The following TMEM184B variants were observed in gnomAD, a reference collection of about 807,000 sequenced individuals.
TMEM184B encodes the protein transmembrane protein 184B, also known as putative MAPK-activating protein FM08.
Under a neutral mutation model 41.8 loss-of-function variants are expected in TMEM184B, and 17 were observed. That is an observed-to-expected ratio of 0.41 (90% confidence interval 0.28 to 0.61). The LOEUF (loss-of-function observed/expected upper bound fraction) is 0.61. TMEM184B is among the 20% of genes least tolerant of loss of function. The pLI, the probability that TMEM184B is intolerant of heterozygous loss-of-function variation, is 0.34. For missense variants in TMEM184B, 393 were observed against 557.8 expected (o/e 0.70, Z 2.98); for synonymous variants, 240 against 229.5 (o/e 1.05, Z -0.41).
Position 38,224,792 on chromosome 22 carries a change from G to T in TMEM184B, c.975C>A (p.Asp325Glu), listed in dbSNP as rs796536438. The T allele has an allele frequency of 6.3e-7, 1 of 1,598,604 alleles. No homozygotes were observed. The highest frequency in any genetic ancestry group is 1.3e-5 in the African/African-American group (1 of 74,458). ...TAGGACCCTGGCTCATACCTTGTGC[G>T]TCCAGCCTCTTGTCAGCATAGACCT... ...TYKVYADKRL[D>E]AQGRCAPMKS... The change falls in exon 8 of 9, where the codon GAC becomes GAA. Residue 325 changes from aspartate to glutamate, a missense_variant. This residue lies in a region of TMEM184B where 271 missense variants were observed against 434.1 expected (regional missense o/e 0.62). Coordinates refer to ENST00000361906, the MANE Select transcript of TMEM184B (RefSeq NM_012264.5).
At chr22:38,235,941 C>G (rs1158611987) in intron 3 of TMEM184B, among the ~76,000 whole-genome samples, 1 of 152,230 alleles carries the variant, frequency 6.6e-6, no homozygotes, top group East Asian at 1.9e-4. Context: ...CCTGGAGAGG[C>G]CTCGGAGACA....
rs777863582 is a variant in TMEM184B, at chr22:38,256,977, G to GTTTTTTTTT, written c.-58-8967_-58-8959dup. 6.4e-3 allele frequency among the ~76,000 whole-genome samples: 791 copies of GTTTTTTTTT among 124,246 alleles called. 15 individuals are homozygous for GTTTTTTTTT. The highest frequency in any genetic ancestry group is 0.013 in the African/African-American group (430 of 32,076). The allele number at this position is 124,246 out of a possible 152,430, so 81.5% of individuals were successfully genotyped here. A position where few individuals can be genotyped will look rare whatever the true frequency, so the allele number is the denominator to read the frequency against. ...CAAAGCCTGGAAGTGGACATTAATAGTTTTTTTTTTTTTTTTTTTTTGAGA... is the reference window on the plus strand; with the variant it reads ...CAAAGCCTGGAAGTGGACATTAATAGTTTTTTTTTTTTTTTTTTTTTTTTTTTTTTGAGA... On this transcript the variant is annotated intron_variant, in intron 1 of 8. Coordinates refer to ENST00000361906, the MANE Select transcript of TMEM184B (RefSeq NM_012264.5).
At position 38,239,272 on chromosome 22, in the gene TMEM184B, G is replaced by C. The variant is rs907025228; in HGVS notation, c.358+6663C>G. The C allele has an allele frequency of 3.3e-5, 5 of 152,294 alleles. No individual in the cohort carries two copies. The allele number at this position is 152,294 out of a possible 1,614,324, so 9.4% of individuals were successfully genotyped here. A position where few individuals can be genotyped will look rare whatever the true frequency, so the allele number is the denominator to read the frequency against. On this transcript the variant is annotated intron_variant, in intron 3 of 8. Coordinates refer to ENST00000361906, the MANE Select transcript of TMEM184B (RefSeq NM_012264.5). This position sits in a 1 kb window ranked among gnomAD's most constrained non-coding sequence, Gnocchi z 4.6. ...GCACTAAGCCCTCTTCCAAGACTCAGCCCTCTCTTTGAGAACAGGAAGCAC... is the reference window on the plus strand; with the variant it reads ...GCACTAAGCCCTCTTCCAAGACTCACCCCTCTCTTTGAGAACAGGAAGCAC...
chr22:38,222,394 C>G (rs1409581323), intron 8 of TMEM184B: 1 of 161,628 alleles, frequency 6.2e-6, no homozygotes, highest in Non-Finnish European at 1.3e-5. Context: ...GTGAAATGCC[C>G]CGATATCCCA....
At chr22:38,266,104 T>C (rs2092440397) in intron 1 of TMEM184B, among the ~76,000 whole-genome samples, 1 of 152,184 alleles carries the variant, frequency 6.6e-6, no homozygotes, top group South Asian at 2.1e-4. Context: ...TCCGGAGGTC[T>C]CACTGCACCC....
chr22:38,242,336 G>C (rs1013500092), intron 3 of TMEM184B, among the ~76,000 whole-genome samples: 4 of 152,000 alleles, frequency 2.6e-5, no homozygotes, highest in African/African-American at 7.3e-5. Context: ...AAATTAGCCG[G>C]GCGTGAAGGC....
At chr22:38,233,848 C>A (rs2091700569) in intron 3 of TMEM184B, among the ~76,000 whole-genome samples, 1 of 152,180 alleles carries the variant, frequency 6.6e-6, no homozygotes, top group South Asian at 2.1e-4. Context: ...TGGCTCACTG[C>A]AACCTCCACC....
At position 38,226,650 on chromosome 22, in the gene TMEM184B, G is replaced by A; in HGVS notation, c.617+129C>T. ...CACTGCTGGGCTCAGACTTCAGGGG[G>A]GTTGTGAGCACCAGACACCCAGGAA... is the stretch of plus-strand genomic sequence containing the variant. On this transcript the variant is annotated intron_variant, in intron 6 of 8. Transcript: ENST00000361906. This position sits in a 1 kb window ranked among gnomAD's most constrained non-coding sequence, Gnocchi z 4.6. 1 of 892,358 alleles carries A rather than the reference G, an allele frequency of 1.1e-6. No homozygotes were observed. Among genetic ancestry groups the A allele is most frequent in the Non-Finnish European group, 1.7e-6 (1 of 578,820 alleles). The allele number at this position is 892,358 out of a possible 1,614,324, so 55.3% of individuals were successfully genotyped here. A position where few individuals can be genotyped will look rare whatever the true frequency, so the allele number is the denominator to read the frequency against.
At chr22:38,271,355 T>A (rs2092519533) in intron 1 of TMEM184B, among the ~76,000 whole-genome samples, 1 of 152,188 alleles carries the variant, frequency 6.6e-6, no homozygotes, top group Non-Finnish European at 1.5e-5. Flanking sequence ...GATGATTCCA[T>A]CCAGGCTTGC....
intron 1 of TMEM184B, among the ~76,000 whole-genome samples, chr22:38,272,000 C>A (rs1011313942): frequency 1.3e-5 from 2 of 152,252 alleles, no homozygotes; most frequent in South Asian, 4.1e-4. Context: ...ATTGCTGCTT[C>A]TTTCCTTACA....
chr22:38,240,997 C>T (rs558448252), intron 3 of TMEM184B, among the ~76,000 whole-genome samples: 34 of 152,346 alleles, frequency 2.2e-4, no homozygotes, highest in South Asian at 1.0e-3. Flanking sequence ...TGCTGGAAGA[C>T]GTGCTCCAAC....
At chr22:38,218,429 C>T (rs1383595260), downstream of TMEM184B, among the ~76,000 whole-genome samples, 4 of 152,182 alleles carry the variant, frequency 2.6e-5, no homozygotes, top group Non-Finnish European at 1.5e-5. Context: ...GTGCGAAAAA[C>T]CCTGGAGACC....
Position 38,224,950 on chromosome 22 carries a change from C to T in TMEM184B, c.817G>A (p.Gly273Arg). Residue 273 changes from glycine (G) to arginine (R), a missense_variant, in exon 8 of 9, where the codon GGG (glycine) becomes AGG (arginine). Gly to Arg is a moderately radical substitution (Grantham distance 125, BLOSUM62 -2). Around this residue, in one of 2 missense-constraint regions of TMEM184B, gnomAD observed 271 missense variants for 434.1 expected, o/e 0.62. Transcript: ENST00000361906. The part of the protein sequence containing the change: ...GMLLAILEKC[G>R]AIPKIHSARV... ...GCCGAGTGGATTTTGGGGATGGCCC[C>T]ACACTTCTCCAGGATGGCCAGGAGC... is the stretch of plus-strand genomic sequence containing the variant. 1 of 1,591,432 alleles carries T rather than the reference C, an allele frequency of 6.3e-7. No homozygotes were observed. Among genetic ancestry groups the T allele is most frequent in the Non-Finnish European group, 8.6e-7 (1 of 1,168,462 alleles).
Position 38,225,043 on chromosome 22 carries a change from C to T in TMEM184B, c.788-64G>A. The T allele has an allele frequency of 2.7e-6, 4 of 1,467,368 alleles. No homozygotes were observed. Among genetic ancestry groups the T allele is most frequent in the Non-Finnish European group, 3.6e-6 (4 of 1,104,462 alleles). The allele number at this position is 1,467,368 out of a possible 1,614,324, so 90.9% of individuals were successfully genotyped here. ...TCCTTTCCTGCTCCCCCTTCTTCCACAATGCCCCATTCAGCTGCCCACATG... is the reference window on the plus strand; with the variant it reads ...TCCTTTCCTGCTCCCCCTTCTTCCATAATGCCCCATTCAGCTGCCCACATG... On this transcript the variant is annotated intron_variant, in intron 7 of 8. Coordinates refer to ENST00000361906, the MANE Select transcript of TMEM184B (RefSeq NM_012264.5). The surrounding 1 kb of genome is among the most constrained non-coding windows in gnomAD (Gnocchi z 4.4).
Position 38,239,788 on chromosome 22 carries a change from T to C in TMEM184B, c.358+6147A>G, listed in dbSNP as rs888562526. On this transcript the variant is annotated intron_variant, in intron 3 of 8. Coordinates refer to ENST00000361906, the MANE Select transcript of TMEM184B (RefSeq NM_012264.5). The surrounding 1 kb of genome is among the most constrained non-coding windows in gnomAD (Gnocchi z 4.6). ...GCCACGCTGTACCAGTCACTCAGCCTGTGCAGTGTTTTGAGGCAGGAGATG... is the reference window on the plus strand; with the variant it reads ...GCCACGCTGTACCAGTCACTCAGCCCGTGCAGTGTTTTGAGGCAGGAGATG... Among the ~76,000 whole-genome samples, 5 of 152,182 alleles carry C rather than the reference T, an allele frequency of 3.3e-5. No homozygotes were observed. Among genetic ancestry groups the C allele is most frequent in the African/African-American group, 1.2e-4 (5 of 41,436 alleles).
chr22:38,235,914 G>A (rs1235374468), intron 3 of TMEM184B, among the ~76,000 whole-genome samples: 2 of 152,170 alleles, frequency 1.3e-5, no homozygotes, highest in Admixed American at 6.5e-5. Flanking sequence ...TTCCCACCAC[G>A]GCTCCAGTAC....
At chr22:38,219,233 C>T, downstream of TMEM184B, 1 of 984,880 alleles carries the variant, frequency 1.0e-6, no homozygotes, top group Non-Finnish European at 1.2e-6. Flanking sequence ...CCACTCCACC[C>T]ACCCCAAAGC....
At chr22:38,269,478 A>G (rs2092490205) in intron 1 of TMEM184B, among the ~76,000 whole-genome samples, 1 of 152,026 alleles carries the variant, frequency 6.6e-6, no homozygotes, top group South Asian at 2.1e-4. Flanking sequence ...AGCCTCCCAA[A>G]GCTTGGATTA....
intron 1 of TMEM184B, among the ~76,000 whole-genome samples, chr22:38,260,449 T>C (rs1290087446): frequency 2.6e-5 from 4 of 152,162 alleles, no homozygotes; most frequent in Non-Finnish European, 5.9e-5. Flanking sequence ...GCTGACGTCA[T>C]TTGCCCACAA....
Sources: gnomAD v4.1 joint callset for allele counts (sites outside exome capture counted in the v4.1 genomes callset) on GRCh38, gnomAD v4.1.1 for gene constraint, gnomAD v4.1.1 regional missense constraint, Gnocchi (gnomAD v3.1) non-coding constraint, MANE v1.5 for transcripts, NCBI Gene and HGNC (gene_info 2026-07-23, HGNC 2026-07-21) for gene names.